The following MRPL1 variants were observed in gnomAD, a reference collection of about 807,000 sequenced individuals.
The protein encoded by MRPL1 is large ribosomal subunit protein uL1m.
In MRPL1, 28 loss-of-function variants were observed where a neutral mutation model predicts 38.0. The observed-to-expected ratio is 0.74, with a 90% CI of 0.55 to 1.01. The LOEUF is 1.01. Among genes scored for constraint, MRPL1 ranks in the 50% least tolerant of loss-of-function variants. The pLI is 0.00. For synonymous variants in MRPL1, 123 were observed against 126.7 expected (o/e 0.97, Z 0.20); for missense variants, 358 against 389.8 (o/e 0.92, Z 0.69).
chr4:77,934,813 C>T (rs1736927916), intron 7 of MRPL1, among the ~76,000 whole-genome samples: 1 of 152,142 alleles, frequency 6.6e-6, no homozygotes, highest in South Asian at 2.1e-4. Flanking sequence ...GGATAAAGTG[C>T]AGCACACACA....
chr4:77,921,463 A>G (rs1736574875), intron 7 of MRPL1, among the ~76,000 whole-genome samples: 1 of 152,238 alleles, frequency 6.6e-6, no homozygotes, highest in Admixed American at 6.5e-5. Flanking sequence ...AGAACAAGTT[A>G]TGAAGATATC....
At chr4:77,948,984 A>C (rs1004031706) in intron 7 of MRPL1, among the ~76,000 whole-genome samples, 3 of 152,040 alleles carry the variant, frequency 2.0e-5, no homozygotes, top group Non-Finnish European at 2.9e-5. Context: ...TTGGCCAGGC[A>C]GGTCTCAAAC....
chr4:77,871,844 T>C lies in MRPL1; in HGVS notation c.132T>C (p.Ala44=). 3 of 1,590,200 alleles carry C rather than the reference T, an allele frequency of 1.9e-6. No homozygotes were observed. The highest frequency in any genetic ancestry group is 2.6e-6 in the Non-Finnish European group (3 of 1,169,544). The change falls in exon 2 of 9, where the codon GCT becomes GCC. Residue 44 remains alanine, a synonymous_variant. Transcript: ENST00000315567. ...VNIRVPNRHF[A]AATKSAKKTK... is the part of the protein sequence containing the mutation. ...TCCGAGTGCCCAACAGACATTTTGCTGCTGCTACAAAGTAAGTATTTTTTT... is the reference window on the plus strand; with the variant it reads ...TCCGAGTGCCCAACAGACATTTTGCCGCTGCTACAAAGTAAGTATTTTTTT...
At chr4:77,894,844 G>A (rs924722048) in intron 6 of MRPL1, among the ~76,000 whole-genome samples, 2 of 152,128 alleles carry the variant, frequency 1.3e-5, no homozygotes, top group Non-Finnish European at 2.9e-5. Flanking sequence ...CATCATAAAA[G>A]AGGTAACATT....
At chr4:77,919,662 A>T (rs929682839) in intron 7 of MRPL1, among the ~76,000 whole-genome samples, 1 of 152,156 alleles carries the variant, frequency 6.6e-6, no homozygotes, top group African/African-American at 2.4e-5. Context: ...ATTTATCAAC[A>T]AAATAGGGCA....
chr4:77,884,210 A>G (rs910190049), intron 3 of MRPL1, among the ~76,000 whole-genome samples: 5 of 147,378 alleles, frequency 3.4e-5, no homozygotes, highest in Non-Finnish European at 7.4e-5. Context: ...GCACCACTGC[A>G]CTCCAGCCTG....
rs1035948438 is a variant in MRPL1, at chr4:77,897,045, A to G, written c.670+2795A>G. 1.7e-4 allele frequency among the ~76,000 whole-genome samples: 26 copies of G among 152,128 alleles called. No homozygotes were observed. In the East Asian group the frequency reaches 1.9e-3, roughly 11 times the overall value. On this transcript the variant is annotated intron_variant, in intron 6 of 8. Coordinates refer to ENST00000315567, the MANE Select transcript of MRPL1 (RefSeq NM_020236.4). ...TCCTATTTATAAATTAGCATTTAGA[A>G]ACTAAAAACACTAGCGTGAAATATA...
chr4:77,869,282 C>T (rs1475832094), intron 1 of MRPL1, among the ~76,000 whole-genome samples: 3 of 152,074 alleles, frequency 2.0e-5, no homozygotes, highest in Non-Finnish European at 2.9e-5. Flanking sequence ...AGAATGAGTG[C>T]TGGATCAGGG....
At chr4:77,889,321 A>T (rs533887847) in intron 5 of MRPL1, among the ~76,000 whole-genome samples, 4 of 152,372 alleles carry the variant, frequency 2.6e-5, no homozygotes, top group African/African-American at 9.6e-5. Context: ...CTCAGGATTA[A>T]GACACTCACT....
intron 7 of MRPL1, among the ~76,000 whole-genome samples, chr4:77,913,454 C>T (rs1736337307): frequency 6.6e-6 from 1 of 152,128 alleles, no homozygotes; most frequent in Non-Finnish European, 1.5e-5. Context: ...GGATAACACA[C>T]ATCTATTTGG....
intron 7 of MRPL1, among the ~76,000 whole-genome samples, chr4:77,928,501 T>C (rs1305562464): frequency 6.6e-6 from 1 of 152,214 alleles, no homozygotes; most frequent in Non-Finnish European, 1.5e-5. Context: ...ACTTTTCTTT[T>C]GTTGCATTAT....
chr4:77,940,012 C>G (rs1294944340), intron 7 of MRPL1, among the ~76,000 whole-genome samples: 1 of 151,992 alleles, frequency 6.6e-6, no homozygotes, highest in African/African-American at 2.4e-5. Flanking sequence ...CTTAGTCTTG[C>G]TTTGGCTATG....
intron 7 of MRPL1, among the ~76,000 whole-genome samples, chr4:77,914,662 G>A (rs1047594597): frequency 6.6e-6 from 1 of 152,050 alleles, no homozygotes; most frequent in Non-Finnish European, 1.5e-5. Context: ...GTTTCCTTGA[G>A]TGAAATTATT....
intron 1 of MRPL1, chr4:77,864,775 G>C (rs2110225290): frequency 6.6e-6 from 1 of 152,258 alleles, no homozygotes; most frequent in East Asian, 1.9e-4. Context: ...CCCCACATCG[G>C]AGGTTCATTA....
chr4:77,914,258 A>C (rs111890068), intron 7 of MRPL1, among the ~76,000 whole-genome samples: 13 of 152,308 alleles, frequency 8.5e-5, no homozygotes, highest in African/African-American at 3.1e-4. Context: ...CAATATTCAG[A>C]AAAAGCAAAA....
chr4:77,926,299 A>G (rs1404529961), intron 7 of MRPL1, among the ~76,000 whole-genome samples: 2 of 152,204 alleles, frequency 1.3e-5, no homozygotes. Context: ...TTAAGTGAAT[A>G]TATCAATATT....
chr4:77,917,910 G>T (rs998149747), intron 7 of MRPL1, among the ~76,000 whole-genome samples: 1 of 152,014 alleles, frequency 6.6e-6, no homozygotes, highest in Non-Finnish European at 1.5e-5. Flanking sequence ...ACAAAAATTA[G>T]CCAGGCATGG....
chr4:77,935,335 C>T (rs1736941174), intron 7 of MRPL1, among the ~76,000 whole-genome samples: 1 of 152,138 alleles, frequency 6.6e-6, no homozygotes, highest in African/African-American at 2.4e-5. Flanking sequence ...TTGTTAGGAG[C>T]TGTAGTGGTG....
chr4:77,873,354 A>T (rs2110230079), intron 2 of MRPL1, among the ~76,000 whole-genome samples: 1 of 152,320 alleles, frequency 6.6e-6, no homozygotes, highest in Middle Eastern at 3.4e-3. Context: ...AAATTTTCTG[A>T]CTTTAGAACT....
Sources: gnomAD v4.1 joint callset for allele counts (sites outside exome capture counted in the v4.1 genomes callset) on GRCh38, gnomAD v4.1.1 for gene constraint, MANE v1.5 for transcripts, NCBI Gene and HGNC (gene_info 2026-07-23, HGNC 2026-07-21) for gene names.